Variants in SEPTIN2 observed in about 807,000 individuals in gnomAD.
SEPTIN2 encodes the protein septin 2, also known as septin-2.
A neutral mutation model predicts 46.5 loss-of-function variants in SEPTIN2; 34 were observed. That is an observed-to-expected ratio of 0.73 (90% CI 0.56 to 0.97). SEPTIN2 has a LOEUF of 0.97. SEPTIN2 is among the 50% of genes least tolerant of loss of function. The pLI, the probability that SEPTIN2 is intolerant of heterozygous loss-of-function variation, is 0.00. For missense variants in SEPTIN2, 347 were observed against 448.4 expected (o/e 0.77, Z 2.04); for synonymous variants, 175 against 153.4 (o/e 1.14, Z -1.04).
chr2:241,322,189 T>C (rs530613669), intron 1 of SEPTIN2, among the ~76,000 whole-genome samples: 23 of 152,252 alleles, frequency 1.5e-4, no homozygotes, highest in Non-Finnish European at 3.1e-4. Flanking sequence ...TTTAATAAGT[T>C]TCTAAGCTCC....
rs117959705 is a variant in SEPTIN2, at chr2:241,326,334, T to C, written c.130+221T>C. On this transcript the variant is annotated intron_variant, in intron 3 of 12. Coordinates refer to ENST00000391971, the MANE Select transcript of SEPTIN2 (RefSeq NM_004404.5). Reference sequence around the variant, plus strand: ...TTTATATGTAGTGAAAGTTTACTCATTGTGTCAGCTAGGCTCCAAAATGGC... The same window carrying C: ...TTTATATGTAGTGAAAGTTTACTCACTGTGTCAGCTAGGCTCCAAAATGGC... Among the ~76,000 whole-genome samples the C allele has an allele frequency of 2.8e-3, 432 of 152,356 alleles. 19 individuals are homozygous for C. The East Asian group carries it at 0.076, about 27-fold the overall frequency.
chr2:241,344,424 C>T (rs1209867629), intron 9 of SEPTIN2, among the ~76,000 whole-genome samples: 2 of 152,138 alleles, frequency 1.3e-5, no homozygotes, highest in African/African-American at 4.8e-5. Flanking sequence ...CATGGCTGGG[C>T]GTGGTGGCTC....
chr2:241,334,618 A>C (rs962892920), intron 3 of SEPTIN2, among the ~76,000 whole-genome samples: 13 of 152,158 alleles, frequency 8.5e-5, no homozygotes, highest in African/African-American at 2.9e-4. Context: ...GAGGTTGCAG[A>C]GTGAGGGTGT....
Position 241,348,581 on chromosome 2 carries a change from T to A in SEPTIN2, c.984+390T>A, listed in dbSNP as rs561976804. 2.6e-5 allele frequency among the ~76,000 whole-genome samples: 4 copies of A among 152,278 alleles called. No homozygotes were observed. The East Asian group carries it at 7.7e-4, about 29-fold the overall frequency. ...GGTGTTTTGTTTACATCCGTAGATA[T>A]CATTGGTAATTAACTTAAAGTTTAT... On this transcript the variant is annotated intron_variant, in intron 11 of 12. Transcript: ENST00000391971.
chr2:241,324,358 C>G (rs2077594694), intron 2 of SEPTIN2, 117 bp downstream of exon 2: 1 of 762,226 alleles, frequency 1.3e-6, no homozygotes, highest in African/African-American at 1.8e-5. Context: ...ACATTTGATT[C>G]ATTAACACAA....
At chr2:241,328,608 G>A (rs570374617) in intron 3 of SEPTIN2, among the ~76,000 whole-genome samples, 1 of 151,968 alleles carries the variant, frequency 6.6e-6, no homozygotes, top group Admixed American at 6.5e-5. Context: ...TGGGCGTGTT[G>A]GCACATGCCT....
At chr2:241,339,593 T>C (rs2080976562) in intron 7 of SEPTIN2, among the ~76,000 whole-genome samples, 1 of 152,186 alleles carries the variant, frequency 6.6e-6, no homozygotes, top group African/African-American at 2.4e-5. Flanking sequence ...ACCATATGAA[T>C]ATACTCTAAC....
At chr2:241,327,284 A>G (rs913560916) in intron 3 of SEPTIN2, among the ~76,000 whole-genome samples, 4 of 152,058 alleles carry the variant, frequency 2.6e-5, no homozygotes, top group African/African-American at 9.7e-5. Context: ...GGAAAGATAC[A>G]ACAGAAAACC....
chr2:241,322,655 T>C (rs1338454776), intron 1 of SEPTIN2, among the ~76,000 whole-genome samples: 1 of 151,082 alleles, frequency 6.6e-6, no homozygotes, highest in Admixed American at 6.6e-5. Flanking sequence ...TCTTTAAAAA[T>C]ATTGTCACAT....
intron 10 of SEPTIN2, 38 bp downstream of exon 10, chr2:241,346,287 C>T: frequency 2.0e-6 from 3 of 1,510,338 alleles, no homozygotes; most frequent in Non-Finnish European, 2.8e-6. Flanking sequence ...ATTGTGTCAC[C>T]CTGAGCCACA....
chr2:241,338,591 AT>A (rs1335764167), intron 7 of SEPTIN2, among the ~76,000 whole-genome samples: 22 of 128,052 alleles, frequency 1.7e-4, no homozygotes, highest in East Asian at 2.8e-4. Context: ...CTCTAAAAAA[AT>A]ATATATATAT....
intron 3 of SEPTIN2, among the ~76,000 whole-genome samples, chr2:241,329,500 G>A (rs2078622541): frequency 6.6e-6 from 1 of 152,146 alleles, no homozygotes; most frequent in South Asian, 2.1e-4. Context: ...CAAATGACAA[G>A]AAAACTACAG....
intron 1 of SEPTIN2, among the ~76,000 whole-genome samples, chr2:241,320,532 G>A (rs1046877182): frequency 2.0e-5 from 3 of 152,182 alleles, no homozygotes; most frequent in Admixed American, 2.0e-4. Flanking sequence ...GGTGGCTCAG[G>A]CCGGTAATCC....
chr2:241,332,304 A>C (rs571744422), intron 3 of SEPTIN2, among the ~76,000 whole-genome samples: 1 of 152,272 alleles, frequency 6.6e-6, no homozygotes, highest in Non-Finnish European at 1.5e-5. Flanking sequence ...TCCAGAATAT[A>C]TAAAAATATT....
chr2:241,316,276 G>C, intron 1 of SEPTIN2: 1 of 455,134 alleles, frequency 2.2e-6, no homozygotes, highest in East Asian at 3.6e-5. Flanking sequence ...CCTCTGCACT[G>C]TCGTCGGTGC....
At chr2:241,345,925 T>G (rs576484310) in intron 9 of SEPTIN2, among the ~76,000 whole-genome samples, 1 of 152,284 alleles carries the variant, frequency 6.6e-6, no homozygotes, top group Non-Finnish European at 1.5e-5. Flanking sequence ...GAAATCCCCC[T>G]GAGAGACTCA....
At chr2:241,350,477 T>G (rs1203135593) in intron 12 of SEPTIN2, among the ~76,000 whole-genome samples, 1 of 152,242 alleles carries the variant, frequency 6.6e-6, no homozygotes, top group Non-Finnish European at 1.5e-5. Flanking sequence ...GGTTATTTTC[T>G]AAGCTTGCAA....
At chr2:241,349,412 ATAT>A in intron 11 of SEPTIN2, among the ~76,000 whole-genome samples, 1 of 151,140 alleles carries the variant, frequency 6.6e-6, no homozygotes, top group South Asian at 2.1e-4. Flanking sequence ...GTATGTATAT[ATAT>A]TATTTTTATT....
intron 1 of SEPTIN2, among the ~76,000 whole-genome samples, chr2:241,318,757 G>A (rs1214451744): frequency 6.7e-6 from 1 of 148,370 alleles, no homozygotes; most frequent in Non-Finnish European, 1.5e-5. Flanking sequence ...CTGGAGTGCA[G>A]TGGTGCGATC....
Sources: gnomAD v4.1 joint callset for allele counts (sites outside exome capture counted in the v4.1 genomes callset) on GRCh38, gnomAD v4.1.1 for gene constraint, MANE v1.5 for transcripts, NCBI Gene and HGNC (gene_info 2026-07-23, HGNC 2026-07-21) for gene names.